HS3ST4: variants seen among roughly 807,000 people sequenced by gnomAD.
HS3ST4 encodes heparan sulfate-glucosamine 3-sulfotransferase 4, also known as heparan sulfate glucosamine 3-O-sulfotransferase 4.
A neutral mutation model predicts 29.2 loss-of-function variants in HS3ST4; 17 were observed. The observed-to-expected ratio is 0.58, with a 90% CI of 0.40 to 0.87. The LOEUF (loss-of-function observed/expected upper bound fraction) is 0.87. Ranked by LOEUF, HS3ST4 falls within the 40% of genes least tolerant of loss-of-function variation. HS3ST4 has a pLI of 0.00. For synonymous variants in HS3ST4, 314 were observed against 285.7 expected (o/e 1.10, Z -1.00); for missense variants, 627 against 634.5 (o/e 0.99, Z 0.13).
intron 1 of HS3ST4, among the ~76,000 whole-genome samples, chr16:26,006,785 GTAA>G (rs950511988): frequency 1.2e-4 from 18 of 152,302 alleles, no homozygotes; most frequent in African/African-American, 4.1e-4. Context: ...ATAATGGCTG[GTAA>G]TTATTTATAT....
chr16:25,977,459 C>T (rs114760777), intron 1 of HS3ST4, among the ~76,000 whole-genome samples: 202 of 152,280 alleles, frequency 1.3e-3, no homozygotes, highest in African/African-American at 4.7e-3. Flanking sequence ...AAACATGTCC[C>T]GATCTGTTTC....
intron 1 of HS3ST4, among the ~76,000 whole-genome samples, chr16:25,741,689 C>T (rs1396754796): frequency 1.3e-5 from 2 of 152,130 alleles, no homozygotes; most frequent in Non-Finnish European, 2.9e-5. Flanking sequence ...GAGGAGACCA[C>T]ATATGTTGCT....
intron 1 of HS3ST4, among the ~76,000 whole-genome samples, chr16:25,908,778 G>T (rs1010682930): frequency 6.6e-6 from 1 of 152,214 alleles, no homozygotes; most frequent in East Asian, 1.9e-4. Flanking sequence ...AGGTGAGGTA[G>T]CAAAAGTTGT....
intron 1 of HS3ST4, among the ~76,000 whole-genome samples, chr16:26,089,410 G>A (rs2141788200): frequency 6.6e-6 from 1 of 152,308 alleles, no homozygotes; most frequent in South Asian, 2.1e-4. Context: ...TGTCAGAACT[G>A]GTGGAGAAGG....
chr16:25,850,601 G>A (rs915741622), intron 1 of HS3ST4, among the ~76,000 whole-genome samples: 1 of 152,034 alleles, frequency 6.6e-6, no homozygotes, highest in South Asian at 2.1e-4. Flanking sequence ...AAATTTCTTT[G>A]CCTCCTATTC....
At chr16:25,974,869 A>G (rs1411849922) in intron 1 of HS3ST4, among the ~76,000 whole-genome samples, 1 of 152,172 alleles carries the variant, frequency 6.6e-6, no homozygotes, top group Non-Finnish European at 1.5e-5. Flanking sequence ...ACAGAATGAC[A>G]TGAAAGTGCC....
chr16:25,932,070 T>C (rs1413005122), intron 1 of HS3ST4, among the ~76,000 whole-genome samples: 1 of 152,188 alleles, frequency 6.6e-6, no homozygotes. Context: ...ATCCCAGCAC[T>C]TTGAGAGGCC....
At chr16:25,866,485 A>G (rs145103733) in intron 1 of HS3ST4, among the ~76,000 whole-genome samples, 1,657 of 152,320 alleles carry the variant, frequency 0.011, 23 homozygotes, top group African/African-American at 0.037. Context: ...ATAAAAAAGG[A>G]TGAGTTCATG....
chr16:26,045,603 C>T (rs1302734165), intron 1 of HS3ST4, among the ~76,000 whole-genome samples: 1 of 152,174 alleles, frequency 6.6e-6, no homozygotes, highest in South Asian at 2.1e-4. Flanking sequence ...TAGATCTGAG[C>T]TCTGCTAATG....
At chr16:26,097,551 T>C (rs1156802119) in intron 1 of HS3ST4, among the ~76,000 whole-genome samples, 1 of 152,172 alleles carries the variant, frequency 6.6e-6, no homozygotes, top group Non-Finnish European at 1.5e-5. Context: ...TGAAACTGGA[T>C]CCCTTCCTTA....
Position 26,135,739 on chromosome 16 carries a change from A to G in HS3ST4, c.862A>G (p.Arg288Gly). ...AKDIKLIVVV[R>G]NPVTRAISDY... ...GGACATCAAACTGATTGTGGTGGTGAGAAACCCCGTGACCAGGGCCATCTC... is the reference window on the plus strand; with the variant it reads ...GGACATCAAACTGATTGTGGTGGTGGGAAACCCCGTGACCAGGGCCATCTC... The change falls in exon 2 of 2, where the codon AGA becomes GGA. Residue 288 changes from arginine to glycine, a missense_variant. Arg to Gly is a moderately radical substitution (Grantham distance 125, BLOSUM62 -2). Transcript: ENST00000331351. 1.2e-6 allele frequency: 2 copies of G among 1,614,150 alleles called. No homozygotes were observed. Among genetic ancestry groups the G allele is most frequent in the Non-Finnish European group, 1.7e-6 (2 of 1,180,000 alleles).
At chr16:25,932,924 C>T (rs576839441) in intron 1 of HS3ST4, among the ~76,000 whole-genome samples, 2 of 152,286 alleles carry the variant, frequency 1.3e-5, no homozygotes, top group African/African-American at 4.8e-5. Context: ...GAAGAGAGAG[C>T]GGATCTCAGA....
chr16:25,785,162 A>G (rs1280928956), intron 1 of HS3ST4, among the ~76,000 whole-genome samples: 2 of 152,248 alleles, frequency 1.3e-5, no homozygotes, highest in Non-Finnish European at 2.9e-5. Context: ...GATTCCTTTC[A>G]AAATATTGCT....
intron 1 of HS3ST4, among the ~76,000 whole-genome samples, chr16:26,006,118 G>A (rs1376342410): frequency 2.0e-5 from 3 of 151,846 alleles, no homozygotes; most frequent in Non-Finnish European, 4.4e-5. Flanking sequence ...GGACAACATG[G>A]TAAAACCCCA....
chr16:25,993,529 G>C (rs532848883), intron 1 of HS3ST4, among the ~76,000 whole-genome samples: 1 of 152,124 alleles, frequency 6.6e-6, no homozygotes, highest in South Asian at 2.1e-4. Context: ...CAAAAGACTG[G>C]AATTCCTATC....
intron 1 of HS3ST4, chr16:26,025,259 G>A (rs925963272): frequency 1.3e-5 from 2 of 154,492 alleles, no homozygotes; most frequent in Non-Finnish European, 2.9e-5. Context: ...AGTAACTGCG[G>A]TTTTTGCCTT....
In HS3ST4 at chr16:26,135,821, C is replaced by A; in HGVS notation, c.944C>A (p.Ala315Asp). 1 of 1,614,008 alleles carries A rather than the reference C, an allele frequency of 6.2e-7. No individual in the cohort carries two copies. The highest frequency in any genetic ancestry group is 8.5e-7 in the Non-Finnish European group (1 of 1,179,900). The change falls in exon 2 of 2, where the codon GCC becomes GAC. Residue 315 changes from alanine to aspartate, a missense_variant. This residue lies in a region of HS3ST4 where 225 missense variants were observed against 293.7 expected (regional missense o/e 0.77). Coordinates refer to ENST00000331351, the MANE Select transcript of HS3ST4 (RefSeq NM_006040.3). Reference sequence around the variant, plus strand: ...GAGATCCCCACCTTTGAGGTGCTGGCCTTCAAAAACCGGACCCTCGGGCTG... The same window carrying A: ...GAGATCCCCACCTTTGAGGTGCTGGACTTCAAAAACCGGACCCTCGGGCTG... ...KPEIPTFEVL[A>D]FKNRTLGLID...
intron 1 of HS3ST4, among the ~76,000 whole-genome samples, chr16:26,006,160 G>T (rs1422965687): frequency 6.6e-6 from 1 of 151,908 alleles, no homozygotes; most frequent in Non-Finnish European, 1.5e-5. Flanking sequence ...TTAGCCAGGT[G>T]TGGTGGTGCA....
intron 1 of HS3ST4, among the ~76,000 whole-genome samples, chr16:26,134,357 C>CTTTTTTTTTTTTTTTTTTTTTTTTTTT (rs1167036022): frequency 2.8e-5 from 3 of 109,066 alleles, no homozygotes; most frequent in East Asian, 3.0e-4. Context: ...CTTTTCTTTT[C>CTTTTTTTTTTTTTTTTTTTTTTTTTTT]TTTTCTTTTT....
Sources: gnomAD v4.1 joint callset for allele counts (sites outside exome capture counted in the v4.1 genomes callset) on GRCh38, gnomAD v4.1.1 for gene constraint, gnomAD v4.1.1 regional missense constraint, MANE v1.5 for transcripts, NCBI Gene and HGNC (gene_info 2026-07-23, HGNC 2026-07-21) for gene names.